ZSCAN12: variants seen among roughly 807,000 people sequenced by gnomAD.
ZSCAN12 encodes zinc finger and SCAN domain containing 12.
Under a neutral mutation model 23.4 loss-of-function variants are expected in ZSCAN12, and 18 were observed. The ratio of observed to expected loss-of-function variants is 0.77; its 90% CI spans 0.53 to 1.14. The LOEUF (loss-of-function observed/expected upper bound fraction) is 1.14. Ranked by LOEUF, ZSCAN12 falls within the 50% of genes most tolerant of loss-of-function variation. ZSCAN12 has a pLI of 0.00. For missense variants in ZSCAN12, 650 were observed against 735.0 expected, an observed-to-expected ratio of 0.88 and a Z score of 1.34; for synonymous variants, 186 against 253.4, an observed-to-expected ratio of 0.73 and a Z score of 2.53.
intron 2 of ZSCAN12, among the ~76,000 whole-genome samples, chr6:28,393,653 A>T (rs1173639643): frequency 6.7e-6 from 1 of 149,848 alleles, no homozygotes; most frequent in Non-Finnish European, 1.5e-5. Flanking sequence ...AGGCAGGAGG[A>T]CTGCTTGAGC....
chr6:28,388,510 A>C lies in ZSCAN12; in HGVS notation c.*1944T>G, dbSNP rs1760657992. Reference sequence around the variant, plus strand: ...AGTTCCAACCCAGGGATGAAATTCTATACAGGGTTTATGGCTAGAGAGGCA... The same window carrying C: ...AGTTCCAACCCAGGGATGAAATTCTCTACAGGGTTTATGGCTAGAGAGGCA... On this transcript the variant is annotated 3_prime_UTR_variant, in exon 4 of 4. Coordinates refer to ENST00000684592, the MANE Select transcript of ZSCAN12 (RefSeq NM_001163391.2). Among the ~76,000 whole-genome samples, 3 of 152,178 alleles carry C rather than the reference A, an allele frequency of 2.0e-5. No individual in the cohort carries two copies. The highest frequency in any genetic ancestry group is 7.2e-5 in the African/African-American group (3 of 41,438).
chr6:28,394,332 C>T (rs1360879714), intron 2 of ZSCAN12, among the ~76,000 whole-genome samples: 5 of 152,172 alleles, frequency 3.3e-5, no homozygotes, highest in Admixed American at 2.6e-4. Flanking sequence ...TGGCATACAA[C>T]AGGTTCTCAA....
chr6:28,398,577 G>T, intron 1 of ZSCAN12, 104 bp from the exon 2 acceptor site: 1 of 614,470 alleles, frequency 1.6e-6, no homozygotes. Context: ...CCGGATTAAT[G>T]TACAATACTT....
chr6:28,383,326 C>T (rs1232776458), downstream of ZSCAN12, among the ~76,000 whole-genome samples: 1 of 152,210 alleles, frequency 6.6e-6, no homozygotes, highest in Non-Finnish European at 1.5e-5. Context: ...GGCCCAACCT[C>T]ACCAGAGACA....
downstream of ZSCAN12, chr6:28,382,565 TCA>T: frequency 6.4e-7 from 1 of 1,551,806 alleles, no homozygotes; most frequent in Non-Finnish European, 8.7e-7. Flanking sequence ...AGCTTGGGGT[TCA>T]GAGTGATTTT....
rs1760792252 is a variant in ZSCAN12 at position 28,390,957 on chromosome 6, TACA to T, written c.1330_1332del (p.Cys444del). The T allele has an allele frequency of 1.9e-6, 3 of 1,556,980 alleles. No homozygotes were observed. The highest frequency in any genetic ancestry group is 2.4e-5 in the South Asian group (2 of 84,422). On this transcript the variant is annotated inframe_deletion, in exon 4 of 4. Coordinates refer to ENST00000684592, the MANE Select transcript of ZSCAN12 (RefSeq NM_001163391.2). Reference sequence around the variant, plus strand: ...TGACTGAAGGATTTCCCACATTCCTTACACTGATAGCATTTTTCTTTGTGGTGG... The same window carrying T: ...TGACTGAAGGATTTCCCACATTCCTTCTGATAGCATTTTTCTTTGTGGTGG...
chr6:28,393,427 G>A (rs1419615173), intron 2 of ZSCAN12, among the ~76,000 whole-genome samples: 1 of 147,296 alleles, frequency 6.8e-6, no homozygotes, highest in Non-Finnish European at 1.5e-5. Context: ...AGAGAAAGAG[G>A]AAAAGGAAAG....
chr6:28,395,640 C>T (rs2113994118), intron 2 of ZSCAN12, among the ~76,000 whole-genome samples: 1 of 152,334 alleles, frequency 6.6e-6, no homozygotes, highest in Non-Finnish European at 1.5e-5. Flanking sequence ...GATTATATCT[C>T]GCTTCTGTTC....
chr6:28,390,325 C>T lies in ZSCAN12; in HGVS notation c.*129G>A. 4 of 680,310 alleles carry T rather than the reference C, an allele frequency of 5.9e-6. No homozygotes were observed. Among genetic ancestry groups the T allele is most frequent in the Non-Finnish European group, 9.2e-6 (4 of 432,560 alleles). 42.1% of individuals were successfully genotyped at this position (680,310 alleles called of 1,614,324 possible). A position where few individuals can be genotyped will look rare whatever the true frequency, so the allele number is the denominator to read the frequency against. On this transcript the variant is annotated 3_prime_UTR_variant, in exon 4 of 4. Transcript: ENST00000684592. ...AGCACGTAGTACAATGGGCAGCACA[C>T]AGTGAATTCTTATTAAATATCTGAG...
At position 28,385,292 on chromosome 6, in the gene ZSCAN12, C is replaced by T. The variant is rs1481877790; in HGVS notation, c.*5162G>A. 1.3e-5 allele frequency among the ~76,000 whole-genome samples: 2 copies of T among 151,936 alleles called. No individual in the cohort carries two copies. The highest frequency in any genetic ancestry group is 4.8e-5 in the African/African-American group (2 of 41,324). On this transcript the variant is annotated 3_prime_UTR_variant, in exon 4 of 4. Transcript: ENST00000684592. ...AGGGTGATCTTTTCATATAAAGAGC[C>T]CATTTTTAAAGTGGAATGTCTCCTG...
In ZSCAN12 at chr6:28,385,072, ATGTG is replaced by A. The variant is rs940205175; in HGVS notation, c.*5378_*5381del. 2.0e-5 allele frequency among the ~76,000 whole-genome samples: 3 copies of A among 152,126 alleles called. No homozygotes were observed. The highest frequency in any genetic ancestry group is 4.8e-5 in the African/African-American group (2 of 41,416). ...AAGAAAAATATCATATATCACATAT[ATGTG>A]TGTGTGTGCATTTTTAAATCCAAGA... is the stretch of plus-strand genomic sequence containing the variant. On this transcript the variant is annotated 3_prime_UTR_variant, in exon 4 of 4. Transcript: ENST00000684592.
At chr6:28,399,100 CA>C (rs1761286777) in intron 1 of ZSCAN12, among the ~76,000 whole-genome samples, 2 of 152,084 alleles carry the variant, frequency 1.3e-5, no homozygotes, top group Non-Finnish European at 2.9e-5. Context: ...ATAATAATAA[CA>C]AAAGGTTAGG....
At chr6:28,398,512 A>G in intron 1 of ZSCAN12, 39 bp from the exon 2 acceptor site, 1 of 1,239,920 alleles carries the variant, frequency 8.1e-7, no homozygotes, top group Non-Finnish European at 1.1e-6. Flanking sequence ...AAACTCCACC[A>G]TAAAGTAAAA....
At chr6:28,382,591 C>G (rs1244652814), downstream of ZSCAN12, 3 of 1,551,550 alleles carry the variant, frequency 1.9e-6, no homozygotes, top group Admixed American at 5.9e-5. Flanking sequence ...GAAGTATTTC[C>G]TTGTAGCTGG....
intron 2 of ZSCAN12, among the ~76,000 whole-genome samples, chr6:28,396,236 A>G (rs1761101382): frequency 6.6e-6 from 1 of 150,530 alleles, no homozygotes; most frequent in Non-Finnish European, 1.5e-5. Flanking sequence ...TGGTTTGTTG[A>G]TTTTTAATTT....
chr6:28,382,439 C>A (rs776934544), downstream of ZSCAN12: 5 of 1,525,004 alleles, frequency 3.3e-6, no homozygotes, highest in South Asian at 6.3e-5. Context: ...TCTTTGCCAG[C>A]CTGATTCTTT....
Position 28,385,861 on chromosome 6 carries a change from A to G in ZSCAN12, c.*4593T>C, listed in dbSNP as rs771931115. On this transcript the variant is annotated 3_prime_UTR_variant, in exon 4 of 4. Transcript: ENST00000684592. ...AATCTGTATATTAACAAAAGTGGCT[A>G]CTTCTGTACTGAATACAGGAATGCA... 3.3e-5 allele frequency among the ~76,000 whole-genome samples: 5 copies of G among 152,232 alleles called. No homozygotes were observed. Among genetic ancestry groups the G allele is most frequent in the Non-Finnish European group, 5.9e-5 (4 of 68,040 alleles).
Position 28,391,574 on chromosome 6 carries a change from C to T in ZSCAN12, c.716G>A (p.Cys239Tyr). 6.4e-7 allele frequency: 1 copy of T among 1,552,286 alleles called. No individual in the cohort carries two copies. The highest frequency in any genetic ancestry group is 8.7e-7 in the Non-Finnish European group (1 of 1,147,122). The change falls in exon 4 of 4, where the codon TGC becomes TAC. Residue 239 changes from cysteine to tyrosine, a missense_variant. Cys to Tyr is a radical substitution (Grantham distance 194, BLOSUM62 -2). Coordinates refer to ENST00000684592, the MANE Select transcript of ZSCAN12 (RefSeq NM_001163391.2). The surrounding 1 kb of genome is among the most constrained non-coding windows in gnomAD (Gnocchi z 4.1). ...GGTAGGTTGTTTATCTTCTCTGGAG[C>T]AAGCAGAGGGCTCTTCTGTTATTTC... ...PEEITEEPSA[C>Y]SREDKQPTCD...
downstream of ZSCAN12, among the ~76,000 whole-genome samples, chr6:28,383,730 G>A (rs1760403869): frequency 6.6e-6 from 1 of 152,180 alleles, no homozygotes; most frequent in Non-Finnish European, 1.5e-5. Flanking sequence ...TTCCAGCTTG[G>A]GCGATAAGTG....
Sources: allele counts gnomAD v4.1 joint callset (sites outside exome capture counted in the v4.1 genomes callset), GRCh38; gene constraint gnomAD v4.1.1; non-coding constraint Gnocchi (gnomAD v3.1); transcripts MANE v1.5; gene names NCBI Gene and HGNC (gene_info 2026-07-23, HGNC 2026-07-21).